The following SPAM1 variants were observed in gnomAD, a reference collection of about 807,000 sequenced individuals.
SPAM1 encodes the protein hyaluronidase PH-20.
A neutral mutation model predicts 29.6 loss-of-function variants in SPAM1; 22 were observed. The observed-to-expected ratio is 0.74, with a 90% CI of 0.53 to 1.06. The LOEUF (loss-of-function observed/expected upper bound fraction) is 1.06, where lower values mean the gene tolerates loss of function less well. Ranked by LOEUF, SPAM1 falls within the 50% of genes least tolerant of loss-of-function variation. The pLI, the probability that SPAM1 is intolerant of heterozygous loss-of-function variation, is 0.00. For missense variants in SPAM1, 534 were observed against 604.0 expected, an observed-to-expected ratio of 0.88 and a Z score of 1.21; for synonymous variants, 194 against 204.6, an observed-to-expected ratio of 0.95 and a Z score of 0.44.
chr7:123,969,105 G>C (rs968078359), intron 5 of SPAM1, among the ~76,000 whole-genome samples: 3 of 151,906 alleles, frequency 2.0e-5, no homozygotes, highest in African/African-American at 7.2e-5. Flanking sequence ...TGCAAACCAA[G>C]GTTGGAGTGC....
At chr7:123,955,147 G>A (rs1792222282) in intron 4 of SPAM1, 61 bp downstream of exon 4, 1 of 1,210,082 alleles carries the variant, frequency 8.3e-7, no homozygotes, top group Non-Finnish European at 1.2e-6. Context: ...TTTGGGGATT[G>A]TTTTGGTATT....
chr7:123,959,364 T>C, intron 4 of SPAM1, 120 bp from the exon 5 acceptor site: 1 of 651,540 alleles, frequency 1.5e-6, no homozygotes, highest in Non-Finnish European at 2.6e-6. Context: ...AATTATCTTC[T>C]ACTTCTTGCT....
chr7:123,969,991 G>C (rs1792476591), intron 5 of SPAM1, among the ~76,000 whole-genome samples: 1 of 151,934 alleles, frequency 6.6e-6, no homozygotes, highest in Admixed American at 6.6e-5. Flanking sequence ...TAGAGTGGTG[G>C]TCGTAGGAAT....
At chr7:123,970,417 T>C in intron 6 of SPAM1, 1 of 612,636 alleles carries the variant, frequency 1.6e-6, no homozygotes, top group Non-Finnish European at 2.7e-6. Flanking sequence ...TTCACTTAAT[T>C]ACCTCTTAAA....
downstream of SPAM1, among the ~76,000 whole-genome samples, chr7:123,960,980 G>A (rs1792350729): frequency 6.6e-6 from 1 of 151,600 alleles, no homozygotes; most frequent in Non-Finnish European, 1.5e-5. Context: ...TTTTAAAATT[G>A]AACCACTTGT....
At chr7:123,929,556 T>TG (rs1307923034) in intron 1 of SPAM1, among the ~76,000 whole-genome samples, 1 of 151,846 alleles carries the variant, frequency 6.6e-6, no homozygotes, top group Non-Finnish European at 1.5e-5. Flanking sequence ...GGGGGTGGGG[T>TG]GGGGTGTAAA....
At chr7:123,935,833 T>C (rs535625261) in intron 1 of SPAM1, among the ~76,000 whole-genome samples, 2 of 152,326 alleles carry the variant, frequency 1.3e-5, no homozygotes, top group Admixed American at 1.3e-4. Flanking sequence ...TCACCCTTAT[T>C]CATGCAATGA....
intron 5 of SPAM1, among the ~76,000 whole-genome samples, chr7:123,968,316 G>A (rs1014294034): frequency 2.0e-5 from 3 of 152,036 alleles, no homozygotes; most frequent in African/African-American, 7.2e-5. Flanking sequence ...TATTGGCATG[G>A]AAAGAGAAGG....
chr7:123,970,107 C>T, intron 5 of SPAM1: 1 of 1,341,292 alleles, frequency 7.5e-7, no homozygotes, highest in Admixed American at 2.1e-5. Flanking sequence ...TTCTGTATAT[C>T]TCCATTAGTT....
intron 1 of SPAM1, among the ~76,000 whole-genome samples, chr7:123,939,962 G>T (rs2189684): frequency 0.78 from 118,883 of 152,096 alleles, 46,641 homozygotes; most frequent in Admixed American, 0.82. Context: ...CCACCCTGCC[G>T]TTGGCTACAA....
chr7:123,954,417 C>T lies in SPAM1; in HGVS notation c.847C>T (p.Arg283Trp). The T allele has an allele frequency of 3.1e-6, 5 of 1,613,410 alleles. No individual in the cohort carries two copies. The highest frequency in any genetic ancestry group is 2.2e-5 in the East Asian group (1 of 44,836). Residue 283 changes from arginine to tryptophan, a missense_variant, in exon 3 of 5, where the codon CGG (arginine) becomes TGG (tryptophan). Transcript: ENST00000682466. ...TACACTCTATGTGCGCAATCGAGTT[C>T]GGGAAGCCATCAGAGTTTCCAAAAT... ...AATLYVRNRV[R>W]EAIRVSKIPD...
chr7:123,929,076 G>A (rs543704317), intron 1 of SPAM1, among the ~76,000 whole-genome samples: 2 of 152,224 alleles, frequency 1.3e-5, no homozygotes, highest in South Asian at 2.1e-4. Flanking sequence ...ATTTGCTTCC[G>A]TATTCTAGAC....
chr7:123,925,395 A>G (rs1306831757), intron 1 of SPAM1, 43 bp downstream of exon 1: 1 of 152,170 alleles, frequency 6.6e-6, no homozygotes, highest in African/African-American at 2.4e-5. Flanking sequence ...TGTATACCTG[A>G]TCTCCTGGTT....
chr7:123,931,430 C>T (rs2117019492), intron 1 of SPAM1, among the ~76,000 whole-genome samples: 1 of 152,222 alleles, frequency 6.6e-6, no homozygotes, highest in South Asian at 2.1e-4. Flanking sequence ...GGTTCCTGTC[C>T]CATACCTAGA....
At chr7:123,930,353 G>A (rs1015093747) in intron 1 of SPAM1, among the ~76,000 whole-genome samples, 3 of 151,982 alleles carry the variant, frequency 2.0e-5, no homozygotes, top group Admixed American at 1.3e-4. Context: ...ATCTTTTCAT[G>A]AAAAAACCTG....
intron 2 of SPAM1, among the ~76,000 whole-genome samples, chr7:123,952,621 C>T (rs1202981424): frequency 6.6e-6 from 1 of 152,022 alleles, no homozygotes; most frequent in Admixed American, 6.6e-5. Context: ...ATCAGAATCA[C>T]AACACAATCT....
At position 123,959,781 on chromosome 7, in the gene SPAM1, G is replaced by T. The variant is rs35333278; in HGVS notation, c.1342G>T (p.Asp448Tyr). 1.5e-5 allele frequency: 24 copies of T among 1,613,208 alleles called. No homozygotes were observed. The South Asian group carries it at 2.5e-4, about 17-fold the overall frequency. ...YSTLSCKEKA[D>Y]VKDTDAVDVC... Reference sequence around the variant, plus strand: ...CACCTTGAGTTGTAAGGAGAAAGCTGATGTAAAAGACACTGATGCTGTTGA... The same window carrying T: ...CACCTTGAGTTGTAAGGAGAAAGCTTATGTAAAAGACACTGATGCTGTTGA... Residue 448 changes from aspartate to tyrosine, a missense_variant, in exon 5 of 5, where the codon GAT becomes TAT. By Grantham distance (160) the Asp-to-Tyr change is radical. Coordinates refer to ENST00000682466, the MANE Select transcript of SPAM1 (RefSeq NM_153189.3).
downstream of SPAM1, among the ~76,000 whole-genome samples, chr7:123,961,366 C>G (rs113779372): frequency 6.6e-6 from 1 of 151,938 alleles, no homozygotes; most frequent in Non-Finnish European, 1.5e-5. Flanking sequence ...TAATTCCTCT[C>G]TCTGTGATTT....
At chr7:123,962,007 G>A (rs1395503577), downstream of SPAM1, among the ~76,000 whole-genome samples, 3 of 151,956 alleles carry the variant, frequency 2.0e-5, no homozygotes, top group Non-Finnish European at 4.4e-5. Context: ...CAACACGTGG[G>A]AATTATGGGA....
Sources: gnomAD v4.1 joint callset for allele counts (sites outside exome capture counted in the v4.1 genomes callset) on GRCh38, gnomAD v4.1.1 for gene constraint, MANE v1.5 for transcripts, NCBI Gene and HGNC (gene_info 2026-07-23, HGNC 2026-07-21) for gene names.